SUOX: variants seen among roughly 807,000 people sequenced by gnomAD.
SUOX encodes the protein sulfite oxidase, mitochondrial.
In SUOX, 39 loss-of-function variants were observed where a neutral mutation model predicts 41.9. That is an observed-to-expected ratio of 0.93 (90% CI 0.72 to 1.21). The LOEUF (loss-of-function observed/expected upper bound fraction) is 1.21, where lower values mean the gene tolerates loss of function less well. Ranked by LOEUF, SUOX falls within the 50% of genes most tolerant of loss-of-function variation. The pLI, the probability that SUOX is intolerant of heterozygous loss-of-function variation, is 0.00. For synonymous variants in SUOX, 220 were observed against 268.4 expected (o/e 0.82, Z 1.76); for missense variants, 633 against 689.5 (o/e 0.92, Z 0.92).
chr12:56,002,261 C>A lies in SUOX; in HGVS notation c.40C>A (p.Gln14Lys), dbSNP rs1326033556. 2 of 1,611,932 alleles carry A rather than the reference C, an allele frequency of 1.2e-6. No individual in the cohort carries two copies. Among genetic ancestry groups the A allele is most frequent in the Admixed American group, 3.3e-5 (2 of 60,006 alleles). Residue 14 changes from glutamine to lysine, a missense_variant, in exon 3 of 5, where the codon CAG becomes AAG. By Grantham distance (53) the Gln-to-Lys change is moderately conservative (BLOSUM62 1). Transcript: ENST00000266971. Reference protein sequence around the residue: ...LHRAVVLRLQQACRLKSIPSR... With the variant: ...LHRAVVLRLQKACRLKSIPSR... ...CAGAGCTGTGGTCCTCAGGCTCCAA[C>A]AGGCCTGCAGGTAGGCCAGCCCATC...
Position 56,003,983 on chromosome 12 carries a change from T to TC in SUOX, c.599dup (p.Glu201Ter). The TC allele has an allele frequency of 6.2e-7, 1 of 1,613,970 alleles. No individual in the cohort carries two copies. The highest frequency in any genetic ancestry group is 1.3e-5 in the African/African-American group (1 of 74,982). ...GCCAGCGGCCCTTTAATGCAGAGCC[T>TC]CCCCCTGAGCTGCTGACAGAAAACT... is the stretch of plus-strand genomic sequence containing the variant. On this transcript the variant is annotated frameshift_variant, in exon 5 of 5. Transcript: ENST00000266971. LOFTEE classifies it high-confidence loss of function.
At chr12:55,997,750 C>T (rs1890359454) in intron 2 of SUOX, 27 bp downstream of exon 2, 1 of 152,564 alleles carries the variant, frequency 6.6e-6, no homozygotes, top group African/African-American at 2.4e-5. Context: ...GTAATGGTCC[C>T]ATGGCCCAGG....
intron 2 of SUOX, among the ~76,000 whole-genome samples, chr12:56,001,085 A>C (rs1037004655): frequency 8.4e-6 from 1 of 118,750 alleles, no homozygotes; most frequent in Non-Finnish European, 1.8e-5. Context: ...GCGCCGGGCT[A>C]ATTTTTCTAT....
At chr12:56,001,496 C>CA (rs1890527718) in intron 2 of SUOX, 1 of 152,856 alleles carries the variant, frequency 6.5e-6, no homozygotes, top group Non-Finnish European at 1.5e-5. Context: ...GGGGAAAAAA[C>CA]AGTAATATAG....
At chr12:56,000,737 C>T (rs1890487634) in intron 2 of SUOX, among the ~76,000 whole-genome samples, 1 of 152,092 alleles carries the variant, frequency 6.6e-6, no homozygotes, top group Non-Finnish European at 1.5e-5. Flanking sequence ...GCCACCACAC[C>T]CAGCTCTTTT....
chr12:56,002,041 T>C, intron 2 of SUOX, 171 bp from the exon 3 acceptor site: 1 of 1,486,612 alleles, frequency 6.7e-7, no homozygotes, highest in Non-Finnish European at 9.0e-7. Context: ...TCTGAAGTGC[T>C]CCAAGTTTTC....
chr12:56,002,790 T>C, intron 4 of SUOX, 70 bp downstream of exon 4: 1 of 1,591,492 alleles, frequency 6.3e-7, no homozygotes, highest in Non-Finnish European at 8.6e-7. Context: ...ATCCCAGCAC[T>C]ATAGGAGGCC....
Position 56,004,724 on chromosome 12 carries a change from C to G in SUOX, c.1335C>G (p.Ile445Met). Residue 445 changes from isoleucine (I) to methionine (M), a missense_variant, in exon 5 of 5, where the codon ATC (isoleucine) becomes ATG (methionine). Coordinates refer to ENST00000266971, the MANE Select transcript of SUOX (RefSeq NM_001032386.2). The surrounding 1 kb of genome is among the most constrained non-coding windows in gnomAD (Gnocchi z 4.5). Reference sequence around the variant, plus strand: ...CTGTAGAATCAGGGGAGGTGACCATCAAGGGCTATGCATGGAGTGGTGGTG... The same window carrying G: ...CTGTAGAATCAGGGGAGGTGACCATGAAGGGCTATGCATGGAGTGGTGGTG... ...GETVESGEVT[I>M]KGYAWSGGGR... The G allele has an allele frequency of 6.2e-7, 1 of 1,614,132 alleles. No homozygotes were observed. The highest frequency in any genetic ancestry group is 1.1e-5 in the South Asian group (1 of 91,076).
In SUOX at chr12:56,004,847, G is replaced by C; in HGVS notation, c.1458G>C (p.Trp486Cys). The change falls in exon 5 of 5, where the codon TGG (tryptophan) becomes TGC (cysteine). Residue 486 changes from tryptophan (W) to cysteine (C), a missense_variant. Physicochemically the swap from Trp to Cys is radical, Grantham distance 215 (BLOSUM62 -2). Coordinates refer to ENST00000266971, the MANE Select transcript of SUOX (RefSeq NM_001032386.2). This position sits in a 1 kb window ranked among gnomAD's most constrained non-coding sequence, Gnocchi z 4.5. ...AGGAACAGCGCCCCAGGAAGGCCTG[G>C]GCATGGCGTCTGTGGCAGTTGAAAG... Reference protein sequence around the residue: ...DGEEQRPRKAWAWRLWQLKAP... With the variant: ...DGEEQRPRKACAWRLWQLKAP... 4 of 1,614,190 alleles carry C rather than the reference G, an allele frequency of 2.5e-6. No homozygotes were observed. The highest frequency in any genetic ancestry group is 3.4e-6 in the Non-Finnish European group (4 of 1,180,030).
At chr12:56,001,025 T>G (rs1190077600) in intron 2 of SUOX, among the ~76,000 whole-genome samples, 5 of 151,956 alleles carry the variant, frequency 3.3e-5, no homozygotes, top group Non-Finnish European at 5.9e-5. Flanking sequence ...GACATCGTGA[T>G]CTGCCCGTCT....
intron 2 of SUOX, chr12:56,001,974 T>A: frequency 7.2e-7 from 1 of 1,387,382 alleles, no homozygotes; most frequent in Non-Finnish European, 9.4e-7. Context: ...GAAGCACCCA[T>A]CCCTCCTACC....
chr12:56,004,278 C>T lies in SUOX; in HGVS notation c.889C>T (p.Arg297Trp), dbSNP rs767916239. 1.8e-5 allele frequency: 29 copies of T among 1,613,908 alleles called. No homozygotes were observed. Among genetic ancestry groups the T allele is most frequent in the South Asian group, 2.2e-5 (2 of 91,080 alleles). Residue 297 changes from arginine to tryptophan, a missense_variant, in exon 5 of 5, where the codon CGG becomes TGG. Coordinates refer to ENST00000266971, the MANE Select transcript of SUOX (RefSeq NM_001032386.2). The surrounding 1 kb of genome is among the most constrained non-coding windows in gnomAD (Gnocchi z 4.5). ...CAGCACTGCACGCTGGGCTGGGGCACGGCTCTGTGATGTGTTAGCCCAGGC... is the reference window on the plus strand; with the variant it reads ...CAGCACTGCACGCTGGGCTGGGGCATGGCTCTGTGATGTGTTAGCCCAGGC... The part of the protein sequence containing the change: ...AISTARWAGA[R>W]LCDVLAQAGH...
chr12:56,001,934 G>A (rs1890545280), intron 2 of SUOX: 1 of 1,317,242 alleles, frequency 7.6e-7, no homozygotes, highest in Non-Finnish European at 9.8e-7. Flanking sequence ...GTTCAGAATG[G>A]AAGATGGGAG....
Position 56,003,917 on chromosome 12 carries a change from T to C in SUOX, c.528T>C (p.Tyr176=), listed in dbSNP as rs1890630965. 5 of 1,614,012 alleles carry C rather than the reference T, an allele frequency of 3.1e-6. No individual in the cohort carries two copies. The highest frequency in any genetic ancestry group is 1.1e-5 in the South Asian group (1 of 91,088). The part of the protein sequence containing the change: ...VAPTVETSDP[Y]ADDPVRHPAL... ...CCACCGTGGAGACCTCTGACCCTTA[T>C]GCTGATGATCCTGTACGTCACCCAG... Residue 176 remains tyrosine, a synonymous_variant, in exon 5 of 5, where the codon TAT becomes TAC. Transcript: ENST00000266971.
At chr12:56,003,233 A>C (rs1297385763) in intron 4 of SUOX, among the ~76,000 whole-genome samples, 1 of 151,520 alleles carries the variant, frequency 6.6e-6, no homozygotes, top group Non-Finnish European at 1.5e-5. Flanking sequence ...GGTGAGCTCA[A>C]GTGATTTCTT....
chr12:56,003,032 C>CAAAA, intron 4 of SUOX: 8 of 218,164 alleles, frequency 3.7e-5, no homozygotes, highest in South Asian at 5.8e-5. Context: ...GACTCCATCT[C>CAAAA]AAAAAAAAAA....
intron 2 of SUOX, 56 bp from the exon 3 acceptor site, chr12:56,002,156 C>A: frequency 6.2e-7 from 1 of 1,605,270 alleles, no homozygotes; most frequent in South Asian, 1.1e-5. Flanking sequence ...CTTAGGCCTC[C>A]CTAATATCCC....
chr12:56,004,351 TGGACTCAGA>T lies in SUOX; in HGVS notation c.963_971del (p.Asp322_Asp324del). The T allele has an allele frequency of 6.2e-7, 1 of 1,614,148 alleles. No individual in the cohort carries two copies. The highest frequency in any genetic ancestry group is 1.1e-5 in the South Asian group (1 of 91,090). On this transcript the variant is annotated inframe_deletion, in exon 5 of 5. Coordinates refer to ENST00000266971, the MANE Select transcript of SUOX (RefSeq NM_001032386.2). This position sits in a 1 kb window ranked among gnomAD's most constrained non-coding sequence, Gnocchi z 4.5. ...GAGGCCCACGTCTGCTTTGAGGGACTGGACTCAGACCCTACTGGGACTGCCTATGGAGCA... is the reference window on the plus strand; with the variant it reads ...GAGGCCCACGTCTGCTTTGAGGGACTCCCTACTGGGACTGCCTATGGAGCA...
In SUOX at chr12:56,004,486, G is replaced by A. The variant is rs776690106; in HGVS notation, c.1097G>A (p.Arg366His). 12 of 1,614,080 alleles carry A rather than the reference G, an allele frequency of 7.4e-6. No individual in the cohort carries two copies. The highest frequency in any genetic ancestry group is 2.2e-5 in the South Asian group (2 of 91,094). The change falls in exon 5 of 5, where the codon CGT (arginine) becomes CAT (histidine). Residue 366 changes from arginine to histidine, a missense_variant. Coordinates refer to ENST00000266971, the MANE Select transcript of SUOX (RefSeq NM_001032386.2). The surrounding 1 kb of genome is among the most constrained non-coding windows in gnomAD (Gnocchi z 4.5). ...CCACGTGACCACGGCTTCCCTGTGC[G>A]TGTGGTGGTTCCTGGAGTGGTGGGT... ...PLPRDHGFPV[R>H]VVVPGVVGAR...
Sources: allele counts gnomAD v4.1 joint callset (sites outside exome capture counted in the v4.1 genomes callset), GRCh38; gene constraint gnomAD v4.1.1; non-coding constraint Gnocchi (gnomAD v3.1); transcripts MANE v1.5; gene names NCBI Gene and HGNC (gene_info 2026-07-23, HGNC 2026-07-21).